The following CALN1 variants were observed in gnomAD, a reference collection of about 807,000 sequenced individuals.
CALN1 encodes the protein calcium-binding protein 8.
In CALN1, 17 loss-of-function variants were observed where a neutral mutation model predicts 30.6. The ratio of observed to expected loss-of-function variants is 0.56; its 90% CI spans 0.38 to 0.83. The LOEUF is 0.83. Among genes scored for constraint, CALN1 ranks in the 40% least tolerant of loss-of-function variants. The pLI, the probability that CALN1 is intolerant of heterozygous loss-of-function variation, is 0.00. For synonymous variants in CALN1, 156 were observed against 131.4 expected, an observed-to-expected ratio of 1.19 and a Z score of -1.28; for missense variants, 291 against 354.9, an observed-to-expected ratio of 0.82 and a Z score of 1.45.
intron 1 of CALN1, among the ~76,000 whole-genome samples, chr7:72,440,765 T>G (rs1808320181): frequency 1.3e-5 from 2 of 152,186 alleles, no homozygotes; most frequent in African/African-American, 2.4e-5. Flanking sequence ...AGGCAGAGGT[T>G]GCAGTGAGCT....
chr7:72,338,281 T>C (rs943669139), intron 2 of CALN1, among the ~76,000 whole-genome samples: 1 of 152,138 alleles, frequency 6.6e-6, no homozygotes, highest in Non-Finnish European at 1.5e-5. Context: ...TGGCAAAGAC[T>C]GCTCACCAGC....
chr7:72,272,186 G>C (rs181363380), intron 3 of CALN1, among the ~76,000 whole-genome samples: 1 of 152,092 alleles, frequency 6.6e-6, no homozygotes, highest in Admixed American at 6.6e-5. Flanking sequence ...TGGAACCCCA[G>C]GTTCAAAGGA....
At chr7:72,153,113 G>C (rs1787384374) in intron 3 of CALN1, among the ~76,000 whole-genome samples, 1 of 152,176 alleles carries the variant, frequency 6.6e-6, no homozygotes, top group South Asian at 2.1e-4. Flanking sequence ...TGAATGTTAA[G>C]ACTGGCACTT....
the CALN1 span, among the ~76,000 whole-genome samples, chr7:72,477,006 T>C: frequency 2.0e-5 from 3 of 152,066 alleles, no homozygotes; most frequent in Non-Finnish European, 4.4e-5. Flanking sequence ...AGGTTAGGAG[T>C]TCGAGACCAG....
chr7:71,816,662 G>A (rs1308429548), intron 5 of CALN1, among the ~76,000 whole-genome samples: 1 of 152,114 alleles, frequency 6.6e-6, no homozygotes, highest in East Asian at 1.9e-4. Flanking sequence ...AAAATCTATA[G>A]TTTTGGGCCA....
rs192156512 is a variant in CALN1 at position 71,957,529 on chromosome 7, G to A, written c.501+66128C>T. On this transcript the variant is annotated intron_variant, in intron 5 of 6. Transcript: ENST00000395275. ...TTTCTCTACCCCATTACGATCTGTCGCCTGTACTGATCACTGCAAACCTAA... is the reference window on the plus strand; with the variant it reads ...TTTCTCTACCCCATTACGATCTGTCACCTGTACTGATCACTGCAAACCTAA... 1.8e-3 allele frequency among the ~76,000 whole-genome samples: 279 copies of A among 152,158 alleles called. 2 individuals carry two copies. Among genetic ancestry groups the A allele is most frequent in the South Asian group, 1.9e-3 (9 of 4,814 alleles).
chr7:72,350,866 T>G (rs866075869), intron 2 of CALN1, among the ~76,000 whole-genome samples: 1 of 152,074 alleles, frequency 6.6e-6, no homozygotes, highest in Non-Finnish European at 1.5e-5. Context: ...GATGGCTGGG[T>G]GAGGTGGCTC....
At chr7:72,267,902 G>A (rs1383537147) in intron 3 of CALN1, among the ~76,000 whole-genome samples, 3 of 152,184 alleles carry the variant, frequency 2.0e-5, no homozygotes, top group Non-Finnish European at 2.9e-5. Flanking sequence ...AGCTACTCGG[G>A]AGGCTGAGAT....
chr7:72,202,732 C>T lies in CALN1; in HGVS notation c.244+75954G>A, dbSNP rs187523282. On this transcript the variant is annotated intron_variant, in intron 3 of 6. Coordinates refer to ENST00000395275, the MANE Select transcript of CALN1 (RefSeq NM_031468.4). ...CTTGGCTGTTTTTGCTTTGAGAGTA[C>T]ATATCACCAATAAGCAGCTTAAGAA... Among the ~76,000 whole-genome samples the T allele has an allele frequency of 6.5e-4, 99 of 152,314 alleles. 1 individual carries two copies. Among genetic ancestry groups the T allele is most frequent in the Non-Finnish European group, 2.4e-4 (16 of 68,034 alleles).
intron 3 of CALN1, among the ~76,000 whole-genome samples, chr7:72,169,976 A>C (rs1462715951): frequency 6.6e-6 from 1 of 151,248 alleles, no homozygotes; most frequent in East Asian, 2.0e-4. Flanking sequence ...TACGGGCGTG[A>C]GACACCGCAC....
At chr7:72,148,989 G>A (rs900643280) in intron 3 of CALN1, among the ~76,000 whole-genome samples, 3 of 151,696 alleles carry the variant, frequency 2.0e-5, no homozygotes, top group Non-Finnish European at 4.4e-5. Flanking sequence ...AGGGAGGAAG[G>A]AAGGAAATAA....
chr7:72,053,371 A>G (rs1427170356), intron 4 of CALN1, among the ~76,000 whole-genome samples: 1 of 152,248 alleles, frequency 6.6e-6, no homozygotes, highest in African/African-American at 2.4e-5. Flanking sequence ...GGTGATAGGA[A>G]CTGAGACAGT....
At chr7:72,416,345 T>C (rs2129563474), upstream of CALN1, among the ~76,000 whole-genome samples, 1 of 152,326 alleles carries the variant, frequency 6.6e-6, no homozygotes, top group African/African-American at 2.4e-5. Context: ...GGAGTACCCC[T>C]GCTCTGCAGG....
At chr7:71,924,355 T>C (rs1325832391) in intron 5 of CALN1, among the ~76,000 whole-genome samples, 1 of 152,006 alleles carries the variant, frequency 6.6e-6, no homozygotes, top group Non-Finnish European at 1.5e-5. Flanking sequence ...AGATATAGAA[T>C]ATATTTCCTT....
At chr7:72,090,258 C>T (rs562491288) in intron 4 of CALN1, among the ~76,000 whole-genome samples, 1 of 152,002 alleles carries the variant, frequency 6.6e-6, no homozygotes, top group Non-Finnish European at 1.5e-5. Context: ...GCTGAGATCG[C>T]GCCACTGCAC....
Position 72,373,939 on chromosome 7 carries a change from AG to A in CALN1, c.119+29311del, listed in dbSNP as rs534823136. ...GTGGATTTCTCACGTGGAATCATGA[AG>A]GCCAGATGGAAGTGGAAAAATATTT... On this transcript the variant is annotated intron_variant, in intron 2 of 6. Transcript: ENST00000395275. 7.9e-5 allele frequency among the ~76,000 whole-genome samples: 12 copies of A among 152,338 alleles called. No individual in the cohort carries two copies. The South Asian group carries it at 2.5e-3, about 32-fold the overall frequency.
intron 3 of CALN1, among the ~76,000 whole-genome samples, chr7:72,278,143 A>G (rs1797476955): frequency 6.6e-6 from 1 of 152,048 alleles, no homozygotes; most frequent in Non-Finnish European, 1.5e-5. Flanking sequence ...TGCCTTGAGC[A>G]CCCAGGGCTG....
At chr7:72,430,698 G>T (rs893665081) in intron 1 of CALN1, among the ~76,000 whole-genome samples, 1 of 152,120 alleles carries the variant, frequency 6.6e-6, no homozygotes, top group Non-Finnish European at 1.5e-5. Context: ...CAGAAGCAAT[G>T]CCAGCTCTAA....
chr7:72,368,155 GTGTATATATATA>G (rs890719584), intron 2 of CALN1, among the ~76,000 whole-genome samples: 1 of 150,466 alleles, frequency 6.6e-6, no homozygotes, highest in Non-Finnish European at 1.5e-5. Context: ...ATCTATGTGT[GTGTATATATATA>G]TGTGTATATA....
Sources: allele counts gnomAD v4.1 joint callset (sites outside exome capture counted in the v4.1 genomes callset), GRCh38; gene constraint gnomAD v4.1.1; transcripts MANE v1.5; gene names NCBI Gene and HGNC (gene_info 2026-07-23, HGNC 2026-07-21).